Variants in C10orf88 observed in about 807,000 individuals in gnomAD.
C10orf88 encodes the protein ATPase PAAT.
In C10orf88, 29 loss-of-function variants were observed where a neutral mutation model predicts 34.2. That is an observed-to-expected ratio of 0.85 (90% CI 0.63 to 1.16). The LOEUF (loss-of-function observed/expected upper bound fraction) is 1.16, where lower values mean the gene tolerates loss of function less well. Ranked by LOEUF, C10orf88 falls within the 50% of genes most tolerant of loss-of-function variation. The pLI is 0.00. For missense variants in C10orf88, 507 were observed against 533.2 expected (o/e 0.95, Z 0.48); for synonymous variants, 194 against 197.4 (o/e 0.98, Z 0.15).
chr10:122,938,755 T>C (rs1848557446), intron 4 of C10orf88, among the ~76,000 whole-genome samples: 1 of 152,042 alleles, frequency 6.6e-6, no homozygotes, highest in African/African-American at 2.4e-5. Context: ...CTGTGTTTGC[T>C]CTAAGAATTT....
intron 5 of C10orf88, among the ~76,000 whole-genome samples, chr10:122,936,186 T>C (rs1420968035): frequency 6.6e-6 from 1 of 151,892 alleles, no homozygotes; most frequent in Non-Finnish European, 1.5e-5. Context: ...GTTTGGTTGG[T>C]AGTTTGTGGT....
intron 3 of C10orf88, among the ~76,000 whole-genome samples, chr10:122,950,846 C>T (rs1450303925): frequency 1.3e-5 from 2 of 152,126 alleles, no homozygotes; most frequent in African/African-American, 4.8e-5. Context: ...ATATACTATC[C>T]AAAACAACAT....
In C10orf88 at chr10:122,951,965, A is replaced by C; in HGVS notation, c.430T>G (p.Cys144Gly). The C allele has an allele frequency of 6.5e-7, 1 of 1,544,204 alleles. No homozygotes were observed. Among genetic ancestry groups the C allele is most frequent in the Non-Finnish European group, 8.9e-7 (1 of 1,124,492 alleles). Reference sequence around the variant, plus strand: ...AACTGACAACTTACCTTTATTTTACAAGCATGTGTGGAGGACTCCAATTTT... The same window carrying C: ...AACTGACAACTTACCTTTATTTTACCAGCATGTGTGGAGGACTCCAATTTT... ...NLKLESSTHA[C>G]KIKLLSFGER... is the part of the protein sequence containing the mutation. The change falls in exon 3 of 6, where the codon TGT becomes GGT. Residue 144 changes from cysteine to glycine, a missense_variant. Physicochemically the swap from Cys to Gly is radical, Grantham distance 159. Coordinates refer to ENST00000481909, the MANE Select transcript of C10orf88 (RefSeq NM_024942.4).
intron 4 of C10orf88, among the ~76,000 whole-genome samples, chr10:122,940,781 G>A (rs1409122754): frequency 3.3e-5 from 5 of 151,958 alleles, no homozygotes; most frequent in Non-Finnish European, 7.4e-5. Context: ...AAATATCCAT[G>A]AATAGGTAAC....
rs769917366 is a variant in C10orf88, at chr10:122,938,065, G to T, written c.743C>A (p.Thr248Asn). ...AGGTGTGGAGGACGACTTGTTTAAG[G>T]TTCCTAAGGTAGATGAGGATTGTAG... ...IGLQSSSTLG[T>N]LNKSSSTPFP... The change falls in exon 5 of 6, where the codon ACC becomes AAC. Residue 248 changes from threonine (T) to asparagine (N), a missense_variant. Thr to Asn is a moderately conservative substitution (Grantham distance 65). Transcript: ENST00000481909. The T allele has an allele frequency of 6.2e-7, 1 of 1,613,206 alleles. No homozygotes were observed. Among genetic ancestry groups the T allele is most frequent in the South Asian group, 1.1e-5 (1 of 91,066 alleles).
At chr10:122,951,756 G>T (rs1048234487) in intron 3 of C10orf88, among the ~76,000 whole-genome samples, 198 bp downstream of exon 3, 1 of 151,976 alleles carries the variant, frequency 6.6e-6, no homozygotes, top group African/African-American at 2.4e-5. Flanking sequence ...AGCTTGAGCT[G>T]GGAGATGACG....
chr10:122,946,360 T>G (rs1050931199), intron 4 of C10orf88, among the ~76,000 whole-genome samples: 1 of 152,142 alleles, frequency 6.6e-6, no homozygotes, highest in East Asian at 1.9e-4. Context: ...ACCTCTTCTA[T>G]GTTTAGATAC....
At chr10:122,953,172 G>T (rs1250614969) in intron 1 of C10orf88, 140 bp from the exon 2 acceptor site, 1 of 676,506 alleles carries the variant, frequency 1.5e-6, no homozygotes, top group Non-Finnish European at 2.5e-6. Context: ...CCGCCTTCCG[G>T]GTTCACGCCA....
At chr10:122,950,875 G>A (rs1848683473) in intron 3 of C10orf88, among the ~76,000 whole-genome samples, 1 of 152,180 alleles carries the variant, frequency 6.6e-6, no homozygotes, top group Admixed American at 6.5e-5. Flanking sequence ...AATCAGTCCT[G>A]TGAGTTTGCT....
Position 122,931,432 on chromosome 10 carries a change from C to T in C10orf88, c.*995G>A, listed in dbSNP as rs931689092. 4 of 151,902 alleles carry T rather than the reference C, an allele frequency of 2.6e-5. No homozygotes were observed. The allele number at this position is 151,902 out of a possible 1,614,324, so 9.4% of individuals were successfully genotyped here. On this transcript the variant is annotated 3_prime_UTR_variant, in exon 6 of 6. Transcript: ENST00000481909. ...AAAATATTAAATGAGTATGAGATAC[C>T]CTTTTTCTAAAAAATAAGACATTTG...
chr10:122,942,537 G>A (rs1206493350), intron 4 of C10orf88, among the ~76,000 whole-genome samples: 2 of 151,516 alleles, frequency 1.3e-5, no homozygotes, highest in Non-Finnish European at 2.9e-5. Context: ...AATTAGGCAG[G>A]AGAAGGAAAT....
intron 5 of C10orf88, chr10:122,933,447 G>C (rs954295063): frequency 1.3e-5 from 2 of 152,206 alleles, no homozygotes; most frequent in African/African-American, 2.4e-5. Flanking sequence ...TCCAGCCTGG[G>C]TGATAAGACT....
At position 122,937,605 on chromosome 10, in the gene C10orf88, A is replaced by G. The variant is rs1848544838; in HGVS notation, c.1103+100T>C. On this transcript the variant is annotated intron_variant, in intron 5 of 5. Transcript: ENST00000481909. ...AAAAGTTGCTAAAATTTTCTCTGGA[A>G]ACAAATTTTAGGCAGTACTCATTGA... is the stretch of plus-strand genomic sequence containing the variant. 4 of 1,090,132 alleles carry G rather than the reference A, an allele frequency of 3.7e-6. No homozygotes were observed. The Admixed American group carries it at 9.7e-5, about 26-fold the overall frequency. The allele number at this position is 1,090,132 out of a possible 1,614,324, so 67.5% of individuals were successfully genotyped here. A position where few individuals can be genotyped will look rare whatever the true frequency, so the allele number is the denominator to read the frequency against.
rs537938197 is a variant in C10orf88, at chr10:122,950,121, C to T, written c.442-1266G>A. 8.1e-4 allele frequency among the ~76,000 whole-genome samples: 124 copies of T among 152,240 alleles called. 3 individuals carry two copies. In the South Asian group the frequency reaches 0.024, roughly 29 times the overall value. ...GGAACGGACTTTAGAATCAGACAAA[C>T]CTAAGTTTAACTTACGACTCTGGTA... is the stretch of plus-strand genomic sequence containing the variant. On this transcript the variant is annotated intron_variant, in intron 3 of 5. Coordinates refer to ENST00000481909, the MANE Select transcript of C10orf88 (RefSeq NM_024942.4).
At chr10:122,939,547 G>C (rs1334637624) in intron 4 of C10orf88, among the ~76,000 whole-genome samples, 1 of 151,794 alleles carries the variant, frequency 6.6e-6, no homozygotes, top group Non-Finnish European at 1.5e-5. Context: ...ATAGAGAAAT[G>C]TTAACCTACT....
intron 4 of C10orf88, among the ~76,000 whole-genome samples, chr10:122,938,810 T>C (rs2133330016): frequency 6.6e-6 from 1 of 152,184 alleles, no homozygotes; most frequent in South Asian, 2.1e-4. Flanking sequence ...CAACTGGTTA[T>C]GCAGTATTAT....
chr10:122,939,872 C>T (rs1454102283), intron 4 of C10orf88, among the ~76,000 whole-genome samples: 2 of 151,814 alleles, frequency 1.3e-5, no homozygotes, highest in African/African-American at 4.8e-5. Flanking sequence ...AAGGTATTTG[C>T]TATGTAAATT....
intron 3 of C10orf88, among the ~76,000 whole-genome samples, chr10:122,950,382 A>C (rs1190756511): frequency 1.3e-5 from 2 of 152,198 alleles, no homozygotes; most frequent in Non-Finnish European, 2.9e-5. Flanking sequence ...TCCCTGAAAT[A>C]ACCCTTTGCA....
intron 3 of C10orf88, among the ~76,000 whole-genome samples, chr10:122,949,678 C>T (rs528346678): frequency 2.6e-4 from 40 of 152,192 alleles, no homozygotes; most frequent in East Asian, 1.4e-3. Flanking sequence ...ATTTTTGGAC[C>T]TCAGTTGACT....
Sources: gnomAD v4.1 joint callset for allele counts (sites outside exome capture counted in the v4.1 genomes callset) on GRCh38, gnomAD v4.1.1 for gene constraint, MANE v1.5 for transcripts, NCBI Gene and HGNC (gene_info 2026-07-23, HGNC 2026-07-21) for gene names.